MAML3: variants seen among roughly 807,000 people sequenced by gnomAD.
MAML3 encodes the protein mastermind like transcriptional coactivator 3, also known as mastermind-like protein 3.
A neutral mutation model predicts 101.9 loss-of-function variants in MAML3; 27 were observed. The ratio of observed to expected loss-of-function variants is 0.27; its 90% CI spans 0.20 to 0.37. The LOEUF (loss-of-function observed/expected upper bound fraction) is 0.37. Ranked by LOEUF, MAML3 falls within the 10% of genes least tolerant of loss-of-function variation. The pLI is 1.00. For synonymous variants in MAML3, 501 were observed against 555.9 expected (o/e 0.90, Z 1.39); for missense variants, 1,316 against 1,444.9 (o/e 0.91, Z 1.45).
At chr4:140,077,537 C>A (rs192300702) in intron 1 of MAML3, among the ~76,000 whole-genome samples, 175 of 152,346 alleles carry the variant, frequency 1.1e-3, no homozygotes, top group African/African-American at 4.1e-3. Flanking sequence ...TCTGTGACCA[C>A]TAAACCACTC....
At chr4:139,891,685 T>A (rs923860529) in intron 1 of MAML3, among the ~76,000 whole-genome samples, 4 of 151,958 alleles carry the variant, frequency 2.6e-5, no homozygotes. Flanking sequence ...AATCAACATT[T>A]AAAAAAAATG....
chr4:140,102,385 A>G (rs146254010), intron 1 of MAML3, among the ~76,000 whole-genome samples: 3 of 152,314 alleles, frequency 2.0e-5, no homozygotes, highest in African/African-American at 7.2e-5. Flanking sequence ...ATTTTCTCAC[A>G]GTTCTGGAGG....
intron 1 of MAML3, among the ~76,000 whole-genome samples, chr4:140,005,974 T>C (rs142491799): frequency 6.6e-6 from 1 of 152,308 alleles, no homozygotes; most frequent in East Asian, 1.9e-4. Flanking sequence ...ATGGGAAACA[T>C]AGGTCAGTTT....
At chr4:139,736,245 A>G (rs892997536) in intron 2 of MAML3, among the ~76,000 whole-genome samples, 5 of 152,210 alleles carry the variant, frequency 3.3e-5, no homozygotes, top group African/African-American at 7.2e-5. Flanking sequence ...GCTACATCCA[A>G]CCTCTCACCA....
chr4:139,994,628 C>A (rs1734767225), intron 1 of MAML3, among the ~76,000 whole-genome samples: 1 of 151,990 alleles, frequency 6.6e-6, no homozygotes, highest in East Asian at 1.9e-4. Context: ...CCACTGCACT[C>A]CAGCCTGGGC....
chr4:140,011,433 T>C (rs1299151322), intron 1 of MAML3, among the ~76,000 whole-genome samples: 5 of 138,746 alleles, frequency 3.6e-5, no homozygotes, highest in African/African-American at 5.1e-5. Context: ...CAAGCTCCGC[T>C]TCCCGGGTTC....
At chr4:139,949,407 C>T (rs554083228) in intron 1 of MAML3, among the ~76,000 whole-genome samples, 1 of 152,226 alleles carries the variant, frequency 6.6e-6, no homozygotes, top group South Asian at 2.1e-4. Context: ...CTGTGATAGC[C>T]CATGTACTAT....
At chr4:139,829,121 A>AAGGAAGGAAGGAGTAAGGGAGGG (rs1731118450) in intron 2 of MAML3, among the ~76,000 whole-genome samples, 2 of 149,264 alleles carry the variant, frequency 1.3e-5, no homozygotes, top group Non-Finnish European at 3.0e-5. Flanking sequence ...AAGAAAGAGA[A>AAGGAAGGAAGGAGTAAGGGAGGG]AGGAAGGAAG....
chr4:139,945,096 C>T (rs983810156), intron 1 of MAML3, among the ~76,000 whole-genome samples: 2 of 152,164 alleles, frequency 1.3e-5, no homozygotes, highest in Admixed American at 6.5e-5. Flanking sequence ...AAAATTCCAC[C>T]CCCTAACCCT....
At chr4:139,763,213 C>T (rs986746388) in intron 2 of MAML3, among the ~76,000 whole-genome samples, 1 of 152,212 alleles carries the variant, frequency 6.6e-6, no homozygotes, top group South Asian at 2.1e-4. Flanking sequence ...CCTCCTGCCA[C>T]AGGATTACAC....
At chr4:139,876,213 T>G (rs1346010564) in intron 2 of MAML3, among the ~76,000 whole-genome samples, 1 of 152,228 alleles carries the variant, frequency 6.6e-6, no homozygotes, top group Non-Finnish European at 1.5e-5. Flanking sequence ...TATACTGGGT[T>G]AAATAAAAAT....
intron 2 of MAML3, among the ~76,000 whole-genome samples, chr4:139,807,582 A>G (rs7670218): frequency 6.6e-6 from 1 of 152,142 alleles, no homozygotes; most frequent in African/African-American, 2.4e-5. Context: ...ACTCCATAGG[A>G]TACCTCAAGG....
intron 2 of MAML3, among the ~76,000 whole-genome samples, chr4:139,823,806 C>A (rs1731015968): frequency 6.6e-6 from 1 of 150,960 alleles, no homozygotes; most frequent in Admixed American, 6.6e-5. Flanking sequence ...ATTTAAGTGC[C>A]TAGAGCAGTG....
At chr4:140,028,924 T>C (rs1005981460) in intron 1 of MAML3, among the ~76,000 whole-genome samples, 5 of 152,238 alleles carry the variant, frequency 3.3e-5, no homozygotes, top group Admixed American at 2.0e-4. Context: ...TTCAGCTTTC[T>C]CCTTTTTTTC....
At chr4:140,022,971 G>A (rs1726756244) in intron 1 of MAML3, among the ~76,000 whole-genome samples, 1 of 152,158 alleles carries the variant, frequency 6.6e-6, no homozygotes, top group African/African-American at 2.4e-5. Context: ...AGCATATTCA[G>A]TGAAGAAAGG....
chr4:139,873,647 G>A (rs1732055966), intron 2 of MAML3, among the ~76,000 whole-genome samples: 1 of 152,194 alleles, frequency 6.6e-6, no homozygotes, highest in Non-Finnish European at 1.5e-5. Flanking sequence ...CAGCTGCCAT[G>A]TCATGAGAAA....
intron 1 of MAML3, among the ~76,000 whole-genome samples, chr4:140,054,368 C>CAAAAAA (rs1344234590): frequency 1.4e-5 from 1 of 69,006 alleles, no homozygotes; most frequent in Non-Finnish European, 2.9e-5. Context: ...GACTCCGTCT[C>CAAAAAA]AAAAAAAAAA....
chr4:139,921,470 G>A (rs181335032), intron 1 of MAML3, among the ~76,000 whole-genome samples: 1 of 152,272 alleles, frequency 6.6e-6, no homozygotes, highest in African/African-American at 2.4e-5. Flanking sequence ...AGCATAGAGA[G>A]CTTGCTGGGG....
chr4:140,011,128 T>C (rs147698447), intron 1 of MAML3, among the ~76,000 whole-genome samples: 19,908 of 77,192 alleles, frequency 0.26, 1,826 homozygotes, highest in South Asian at 0.45. Flanking sequence ...TGTGTATATA[T>C]ATATATATAC....
Sources: allele counts gnomAD v4.1 joint callset (sites outside exome capture counted in the v4.1 genomes callset), GRCh38; gene constraint gnomAD v4.1.1; transcripts MANE v1.5; gene names NCBI Gene and HGNC (gene_info 2026-07-23, HGNC 2026-07-21).